SLC4A10: variants seen among roughly 807,000 people sequenced by gnomAD.
SLC4A10 encodes solute carrier family 4 member 10.
SLC4A10 carries 42 observed loss-of-function variants against 137.7 expected under a neutral mutation model. That is an observed-to-expected ratio of 0.30 (90% CI 0.24 to 0.39). The LOEUF (loss-of-function observed/expected upper bound fraction) is 0.39, where lower values mean the gene tolerates loss of function less well. Ranked by LOEUF, SLC4A10 falls within the 10% of genes least tolerant of loss-of-function variation. SLC4A10 has a pLI of 1.00. For synonymous variants in SLC4A10, 474 were observed against 464.1 expected (o/e 1.02, Z -0.27); for missense variants, 925 against 1,355.0 (o/e 0.68, Z 4.98).
At chr2:161,967,290 A>G (rs2105927638) in intron 23 of SLC4A10, among the ~76,000 whole-genome samples, 1 of 152,266 alleles carries the variant, frequency 6.6e-6, no homozygotes, top group Middle Eastern at 3.4e-3. Context: ...CTGCAAGGGA[A>G]TAGCGTCTTG....
chr2:161,948,210 T>G (rs1694167783), intron 17 of SLC4A10, among the ~76,000 whole-genome samples: 1 of 152,056 alleles, frequency 6.6e-6, no homozygotes, highest in African/African-American at 2.4e-5. Context: ...AGAAACAGCT[T>G]AGTTCAATAT....
At chr2:161,743,812 T>C (rs1410775209) in intron 1 of SLC4A10, among the ~76,000 whole-genome samples, 1 of 152,178 alleles carries the variant, frequency 6.6e-6, no homozygotes, top group Non-Finnish European at 1.5e-5. Context: ...TTCAATTTCT[T>C]GCTTCAATGT....
intron 3 of SLC4A10, among the ~76,000 whole-genome samples, chr2:161,830,899 G>A (rs55969921): frequency 0.067 from 10,267 of 152,238 alleles, 453 homozygotes; most frequent in East Asian, 0.17. Context: ...AGTTAGGATA[G>A]CAGGGGCCTG....
At chr2:161,930,436 A>G (rs1690131886) in intron 15 of SLC4A10, among the ~76,000 whole-genome samples, 1 of 151,880 alleles carries the variant, frequency 6.6e-6, no homozygotes, top group African/African-American at 2.4e-5. Flanking sequence ...AACTCTAGGA[A>G]TAGTACTAGA....
chr2:161,961,557 T>TC (rs1167320643), intron 21 of SLC4A10, among the ~76,000 whole-genome samples: 1 of 151,516 alleles, frequency 6.6e-6, no homozygotes, highest in East Asian at 1.9e-4. Context: ...CTTTTTTTTT[T>TC]TTTTTGCCTT....
intron 16 of SLC4A10, among the ~76,000 whole-genome samples, chr2:161,944,254 G>A (rs777001849): frequency 6.6e-6 from 1 of 151,688 alleles, no homozygotes. Flanking sequence ...AATCATTAGT[G>A]GGTCTTCTGT....
intron 1 of SLC4A10, among the ~76,000 whole-genome samples, chr2:161,759,854 A>G (rs760793488): frequency 6.6e-6 from 1 of 151,972 alleles, no homozygotes; most frequent in Non-Finnish European, 1.5e-5. Context: ...TGTGCAGATT[A>G]AATGTCTTTC....
At chr2:161,754,617 A>G (rs1227135392) in intron 1 of SLC4A10, among the ~76,000 whole-genome samples, 1 of 152,106 alleles carries the variant, frequency 6.6e-6, no homozygotes. Context: ...AGTCACAAGG[A>G]TGTAACATTT....
chr2:161,734,225 G>A (rs745339090), intron 1 of SLC4A10, among the ~76,000 whole-genome samples: 1 of 152,276 alleles, frequency 6.6e-6, no homozygotes, highest in East Asian at 1.9e-4. Context: ...GTTTGGCCCT[G>A]TGTTCCCACC....
chr2:161,957,394 C>T (rs1390986643), intron 20 of SLC4A10, among the ~76,000 whole-genome samples, 154 bp downstream of exon 20: 5 of 152,014 alleles, frequency 3.3e-5, no homozygotes, highest in South Asian at 2.1e-4. Flanking sequence ...TTCTTCATAA[C>T]CTAAGGGAGG....
intron 1 of SLC4A10, among the ~76,000 whole-genome samples, chr2:161,750,403 C>T (rs1027376651): frequency 2.6e-5 from 4 of 151,464 alleles, no homozygotes; most frequent in African/African-American, 9.7e-5. Flanking sequence ...TCTCTTAGTA[C>T]TGTTTTTGCT....
rs1232904845 is a variant in SLC4A10 at position 161,779,880 on chromosome 2, T to C, written c.130+8826T>C. ...AAATTCAGACTTTAATGTTCATTAA[T>C]AAAGCTTTATTGGAACATAGCCATG... On this transcript the variant is annotated intron_variant, in intron 2 of 26. Coordinates refer to ENST00000446997, the MANE Select transcript of SLC4A10 (RefSeq NM_001178015.2). Among the ~76,000 whole-genome samples the C allele has an allele frequency of 2.6e-5, 4 of 152,024 alleles. No homozygotes were observed. In the East Asian group the frequency reaches 5.8e-4, roughly 22 times the overall value.
At chr2:161,834,190 G>C (rs1229552312) in intron 3 of SLC4A10, among the ~76,000 whole-genome samples, 1 of 152,114 alleles carries the variant, frequency 6.6e-6, no homozygotes, top group Non-Finnish European at 1.5e-5. Context: ...ATGCTTGTTG[G>C]CTTCATTTGG....
At chr2:161,714,176 T>G (rs2125077249) in intron 1 of SLC4A10, among the ~76,000 whole-genome samples, 1 of 151,994 alleles carries the variant, frequency 6.6e-6, no homozygotes, top group African/African-American at 2.4e-5. Flanking sequence ...AAGTCGTATT[T>G]TCTAGAAGTT....
chr2:161,861,050 A>G (rs1363702478), intron 5 of SLC4A10, among the ~76,000 whole-genome samples: 1 of 152,226 alleles, frequency 6.6e-6, no homozygotes, highest in African/African-American at 2.4e-5. Context: ...TTCTTGCTAC[A>G]AAGGCAAAAT....
chr2:161,772,827 T>C (rs1303698786), intron 2 of SLC4A10, among the ~76,000 whole-genome samples: 1 of 151,896 alleles, frequency 6.6e-6, no homozygotes, highest in East Asian at 1.9e-4. Context: ...CATTTGAAGA[T>C]GCTATTGAGG....
At chr2:161,935,873 A>C (rs1014591783) in intron 15 of SLC4A10, among the ~76,000 whole-genome samples, 3 of 152,282 alleles carry the variant, frequency 2.0e-5, no homozygotes, top group Admixed American at 2.0e-4. Context: ...CTGATCTTGC[A>C]GGAAAACCTT....
intron 15 of SLC4A10, among the ~76,000 whole-genome samples, chr2:161,938,481 T>C (rs1691997782): frequency 1.3e-5 from 2 of 151,330 alleles, no homozygotes; most frequent in Admixed American, 1.3e-4. Flanking sequence ...TTGATATTTA[T>C]AGATTATTAT....
intron 3 of SLC4A10, among the ~76,000 whole-genome samples, chr2:161,807,159 G>GC (rs1444289921): frequency 2.0e-5 from 3 of 152,026 alleles, no homozygotes; most frequent in South Asian, 4.2e-4. Flanking sequence ...GGAAAGACCT[G>GC]CCCCCCATGA....
Sources: allele counts gnomAD v4.1 joint callset (sites outside exome capture counted in the v4.1 genomes callset), GRCh38; gene constraint gnomAD v4.1.1; transcripts MANE v1.5; gene names NCBI Gene and HGNC (gene_info 2026-07-23, HGNC 2026-07-21).